The following KCNIP4 variants were observed in gnomAD, a reference collection of about 807,000 sequenced individuals.
The protein encoded by KCNIP4 is potassium voltage-gated channel interacting protein 4.
A neutral mutation model predicts 34.0 loss-of-function variants in KCNIP4; 12 were observed. The observed-to-expected ratio is 0.35, with a 90% CI of 0.23 to 0.57. The LOEUF is 0.57. Among genes scored for constraint, KCNIP4 ranks in the 20% least tolerant of loss-of-function variants. The pLI is 0.83. For missense variants in KCNIP4, 238 were observed against 311.7 expected, an observed-to-expected ratio of 0.76 and a Z score of 1.78; for synonymous variants, 124 against 102.2, an observed-to-expected ratio of 1.21 and a Z score of -1.29.
intron 3 of KCNIP4, among the ~76,000 whole-genome samples, chr4:20,828,376 G>C (rs1288599466): frequency 6.6e-6 from 1 of 152,160 alleles, no homozygotes; most frequent in Non-Finnish European, 1.5e-5. Context: ...GCAGTGACCC[G>C]AGATCGTGCC....
At chr4:20,807,865 C>T (rs190485167) in intron 3 of KCNIP4, among the ~76,000 whole-genome samples, 1 of 152,236 alleles carries the variant, frequency 6.6e-6, no homozygotes, top group Admixed American at 6.5e-5. Context: ...ATAAAGAAGA[C>T]ACTATGGAAG....
At chr4:21,340,243 G>A (rs1316304305) in intron 1 of KCNIP4, among the ~76,000 whole-genome samples, 1 of 112,426 alleles carries the variant, frequency 8.9e-6, no homozygotes, top group African/African-American at 4.1e-5. Context: ...ATCTCCTAAA[G>A]CTTTCCAAGA....
chr4:21,612,620 T>C (rs1317489396), intron 1 of KCNIP4, among the ~76,000 whole-genome samples: 2 of 152,358 alleles, frequency 1.3e-5, no homozygotes, highest in South Asian at 2.1e-4. Flanking sequence ...TGGCATCTAA[T>C]ATGATACGGC....
intron 1 of KCNIP4, among the ~76,000 whole-genome samples, chr4:21,151,297 C>T (rs1035377806): frequency 3.3e-5 from 5 of 151,168 alleles, no homozygotes; most frequent in African/African-American, 1.2e-4. Context: ...ACAATGGTAA[C>T]TAATGACTTC....
At chr4:21,766,862 T>C (rs1488674253) in intron 1 of KCNIP4, among the ~76,000 whole-genome samples, 6 of 152,220 alleles carry the variant, frequency 3.9e-5, no homozygotes, top group Middle Eastern at 3.4e-3. Context: ...TACAAATCCA[T>C]TGAGTGTCTA....
intron 1 of KCNIP4, among the ~76,000 whole-genome samples, chr4:21,725,025 CA>C (rs1395975857): frequency 6.6e-6 from 1 of 152,064 alleles, no homozygotes; most frequent in African/African-American, 2.4e-5. Context: ...TGTGAGATGT[CA>C]AAATATTCCA....
chr4:21,948,408 C>G (rs937165908), intron 1 of KCNIP4, among the ~76,000 whole-genome samples, 163 bp downstream of exon 1: 1 of 152,112 alleles, frequency 6.6e-6, no homozygotes, highest in Non-Finnish European at 1.5e-5. Context: ...GCACCCCATT[C>G]CTGCCGCTCC....
rs1560732841 is a variant in KCNIP4 at position 21,112,045 on chromosome 4, C to CTATCTATCTATCTATCTATA, written c.62-229337_62-229336insTATAGATAGATAGATAGATA. Among the ~76,000 whole-genome samples the CTATCTATCTATCTATCTATA allele has an allele frequency of 4.3e-3, 633 of 148,642 alleles. 2 individuals are homozygous for CTATCTATCTATCTATCTATA. The highest frequency in any genetic ancestry group is 0.016 in the African/African-American group (607 of 38,312). ...TCTCTGTATCTATCTATCTATCTAT[C>CTATCTATCTATCTATCTATA]TATCTATCTATCTATCTATCTATCT... is the stretch of plus-strand genomic sequence containing the variant. On this transcript the variant is annotated intron_variant, in intron 1 of 8. Coordinates refer to ENST00000382152, the MANE Select transcript of KCNIP4 (RefSeq NM_025221.6).
Position 21,004,512 on chromosome 4 carries a change from T to C in KCNIP4, c.62-121803A>G, listed in dbSNP as rs77212557. On this transcript the variant is annotated intron_variant, in intron 1 of 8. Coordinates refer to ENST00000382152, the MANE Select transcript of KCNIP4 (RefSeq NM_025221.6). ...CACACAGAGGTGATGGTCCATACCA[T>C]TGCAATGTGTGAGACTCCCCAAGGC... Among the ~76,000 whole-genome samples the C allele has an allele frequency of 5.6e-3, 851 of 152,232 alleles. 9 individuals carry two copies. Among genetic ancestry groups the C allele is most frequent in the African/African-American group, 0.019 (806 of 41,544 alleles).
rs34976488 is a variant in KCNIP4, at chr4:20,837,848, A to ATTT, written c.288+12692_288+12694dup. 4.6e-4 allele frequency among the ~76,000 whole-genome samples: 66 copies of ATTT among 143,620 alleles called. 1 individual carries two copies. Among genetic ancestry groups the ATTT allele is most frequent in the African/African-American group, 1.4e-3 (55 of 38,842 alleles). The allele number at this position is 143,620 out of a possible 152,430, so 94.2% of individuals were successfully genotyped here. ...AGGCATACATCACTATGCCCAGCAAATTTTTTTTTTTTTGTATTTTTAGTA... is the reference window on the plus strand; with the variant it reads ...AGGCATACATCACTATGCCCAGCAAATTTTTTTTTTTTTTTTGTATTTTTAGTA... On this transcript the variant is annotated intron_variant, in intron 3 of 8. Transcript: ENST00000382152.
chr4:20,897,516 C>A (rs995445106), intron 1 of KCNIP4, among the ~76,000 whole-genome samples: 1 of 152,090 alleles, frequency 6.6e-6, no homozygotes, highest in African/African-American at 2.4e-5. Context: ...CCTCCCTCCC[C>A]CCGCCACCCA....
At chr4:21,418,447 T>G (rs10005599) in intron 1 of KCNIP4, among the ~76,000 whole-genome samples, 43,503 of 151,962 alleles carry the variant, frequency 0.29, 7,154 homozygotes, top group Non-Finnish European at 0.38. Context: ...CAGTGAGCCG[T>G]GATTGTGCCA....
intron 1 of KCNIP4, among the ~76,000 whole-genome samples, chr4:21,285,582 A>T (rs1297553889): frequency 1.3e-5 from 2 of 152,090 alleles, no homozygotes; most frequent in Non-Finnish European, 2.9e-5. Flanking sequence ...TAATCCCAGC[A>T]TCTTGGGAGG....
intron 2 of KCNIP4, among the ~76,000 whole-genome samples, chr4:20,870,137 T>C (rs1381165074): frequency 6.6e-6 from 1 of 152,124 alleles, no homozygotes; most frequent in Non-Finnish European, 1.5e-5. Flanking sequence ...CACAGAGTGA[T>C]AAGGTTTGGC....
intron 1 of KCNIP4, among the ~76,000 whole-genome samples, chr4:21,343,460 C>T (rs1278112930): frequency 6.6e-6 from 1 of 152,118 alleles, no homozygotes; most frequent in Non-Finnish European, 1.5e-5. Flanking sequence ...GGGAGTTATA[C>T]ATCCCCATCT....
intron 1 of KCNIP4, among the ~76,000 whole-genome samples, chr4:21,859,313 C>A (rs1357661783): frequency 1.3e-5 from 2 of 152,060 alleles, no homozygotes; most frequent in Non-Finnish European, 2.9e-5. Flanking sequence ...TTTGAGGACC[C>A]TTTCACCTGG....
At chr4:20,997,265 G>A (rs1463487216) in intron 1 of KCNIP4, among the ~76,000 whole-genome samples, 5 of 152,172 alleles carry the variant, frequency 3.3e-5, no homozygotes, top group African/African-American at 1.2e-4. Flanking sequence ...CAGTGAGTAG[G>A]CTGTTGTAAT....
chr4:21,556,931 A>AAAAAAAAAAAAAAAAC (rs1560514270), intron 1 of KCNIP4, among the ~76,000 whole-genome samples: 2 of 134,286 alleles, frequency 1.5e-5, no homozygotes, highest in African/African-American at 2.8e-5. Flanking sequence ...AGAAAAAAAA[A>AAAAAAAAAAAAAAAAC]AAAAAAAAAA....
chr4:20,853,706 C>G (rs899581338), intron 2 of KCNIP4, among the ~76,000 whole-genome samples: 1 of 152,016 alleles, frequency 6.6e-6, no homozygotes, highest in Non-Finnish European at 1.5e-5. Flanking sequence ...GCAGAGTAAA[C>G]AGACAACCCA....
Sources: gnomAD v4.1 joint callset for allele counts (sites outside exome capture counted in the v4.1 genomes callset) on GRCh38, gnomAD v4.1.1 for gene constraint, MANE v1.5 for transcripts, NCBI Gene and HGNC (gene_info 2026-07-23, HGNC 2026-07-21) for gene names.